ASCC3: variants seen among roughly 807,000 people sequenced by gnomAD.
ASCC3 encodes ASC-1 complex subunit P200.
A neutral mutation model predicts 256.3 loss-of-function variants in ASCC3; 158 were observed. That is an observed-to-expected ratio of 0.62 (90% confidence interval 0.54 to 0.70). The LOEUF (loss-of-function observed/expected upper bound fraction) is 0.70, where lower values mean the gene tolerates loss of function less well. Among genes scored for constraint, ASCC3 ranks in the 30% least tolerant of loss-of-function variants. The pLI is 0.00. For missense variants in ASCC3, 2,259 were observed against 2,626.0 expected (o/e 0.86, Z 3.05); for synonymous variants, 948 against 883.4 (o/e 1.07, Z -1.30).
At chr6:100,759,898 A>G (rs1439150432) in intron 10 of ASCC3, among the ~76,000 whole-genome samples, 2 of 151,748 alleles carry the variant, frequency 1.3e-5, no homozygotes, top group African/African-American at 2.4e-5. Flanking sequence ...ATTCCTAGGT[A>G]TTTTATTTTC....
chr6:100,589,541 C>G, intron 36 of ASCC3, 93 bp downstream of exon 36: 1 of 1,491,100 alleles, frequency 6.7e-7, no homozygotes, highest in African/African-American at 1.4e-5. Flanking sequence ...AAGGGCTTTA[C>G]AAATGGTTTC....
chr6:100,656,235 C>T lies in ASCC3; in HGVS notation c.2704-417G>A, dbSNP rs149454561. Among the ~76,000 whole-genome samples, 159 of 151,608 alleles carry T rather than the reference C, an allele frequency of 1.0e-3. 2 individuals are homozygous for T. In the East Asian group the frequency reaches 0.024, roughly 22 times the overall value. ...TAAAAACAACAAAACATTGTTAATTCTATTCATTTTTATCCTAATTCTGTA... is the reference window on the plus strand; with the variant it reads ...TAAAAACAACAAAACATTGTTAATTTTATTCATTTTTATCCTAATTCTGTA... On this transcript the variant is annotated intron_variant, in intron 16 of 41. Coordinates refer to ENST00000369162, the MANE Select transcript of ASCC3 (RefSeq NM_006828.4).
chr6:100,535,622 C>T (rs2046596534), intron 37 of ASCC3, among the ~76,000 whole-genome samples: 1 of 151,900 alleles, frequency 6.6e-6, no homozygotes, highest in Admixed American at 6.6e-5. Context: ...GCGCCCACTA[C>T]CACCCCCGGC....
At chr6:100,780,855 A>G (rs986188992) in intron 8 of ASCC3, among the ~76,000 whole-genome samples, 4 of 152,234 alleles carry the variant, frequency 2.6e-5, no homozygotes, top group Non-Finnish European at 4.4e-5. Flanking sequence ...ACCACATATT[A>G]CATTAGTGTC....
At chr6:100,583,220 C>T (rs1771415899) in intron 36 of ASCC3, among the ~76,000 whole-genome samples, 1 of 152,280 alleles carries the variant, frequency 6.6e-6, no homozygotes, top group African/African-American at 2.4e-5. Flanking sequence ...TGGTCCTGGA[C>T]TCTTTTTCGT....
chr6:100,597,410 T>C lies in ASCC3; in HGVS notation c.5303+4400A>G, dbSNP rs144289322. On this transcript the variant is annotated intron_variant, in intron 34 of 41. Transcript: ENST00000369162. ...AATTAATTTTTAAATGCTTATACTTTATAATTTTAAGTAAATTTTATGATT... is the reference window on the plus strand; with the variant it reads ...AATTAATTTTTAAATGCTTATACTTCATAATTTTAAGTAAATTTTATGATT... Among the ~76,000 whole-genome samples the C allele has an allele frequency of 1.5e-3, 230 of 152,304 alleles. 7 individuals are homozygous for C. The East Asian group carries it at 0.039, about 26-fold the overall frequency.
intron 37 of ASCC3, chr6:100,530,293 A>T: frequency 7.0e-7 from 1 of 1,425,982 alleles, no homozygotes; most frequent in Non-Finnish European, 9.9e-7. Context: ...AGTTGAAATC[A>T]TCGCAGAAGG....
chr6:100,532,378 G>A (rs868656469), intron 37 of ASCC3, among the ~76,000 whole-genome samples: 66 of 69,070 alleles, frequency 9.6e-4, no homozygotes, highest in African/African-American at 3.0e-3. Flanking sequence ...GTGTATGTGT[G>A]TATATATATA....
Position 100,709,566 on chromosome 6 carries a change from A to G in ASCC3, c.2151+5896T>C, listed in dbSNP as rs368949729. On this transcript the variant is annotated intron_variant, in intron 13 of 41. Transcript: ENST00000369162. ...AGGACTGGGAAGGTTAAAAGTCCAAAGAGACTTATATGGTATCTGAAAATT... is the reference window on the plus strand; with the variant it reads ...AGGACTGGGAAGGTTAAAAGTCCAAGGAGACTTATATGGTATCTGAAAATT... 3.3e-3 allele frequency among the ~76,000 whole-genome samples: 502 copies of G among 152,300 alleles called. 2 individuals carry two copies. The highest frequency in any genetic ancestry group is 0.017 in the Middle Eastern group (5 of 294).
chr6:100,851,330 C>G (rs1371016340), intron 3 of ASCC3, among the ~76,000 whole-genome samples: 3 of 152,060 alleles, frequency 2.0e-5, no homozygotes, highest in Non-Finnish European at 4.4e-5. Flanking sequence ...AGTGGAAGAA[C>G]AGCCTTATTA....
intron 36 of ASCC3, among the ~76,000 whole-genome samples, chr6:100,554,017 T>C (rs1004470964): frequency 6.6e-6 from 1 of 152,154 alleles, no homozygotes; most frequent in Non-Finnish European, 1.5e-5. Flanking sequence ...CAGCTAAATA[T>C]GAGATATGCC....
intron 10 of ASCC3, among the ~76,000 whole-genome samples, chr6:100,751,552 T>A (rs1197412461): frequency 6.6e-6 from 1 of 151,900 alleles, no homozygotes; most frequent in East Asian, 1.9e-4. Flanking sequence ...TCCATAATTG[T>A]ACATCCAATA....
intron 24 of ASCC3, among the ~76,000 whole-genome samples, chr6:100,640,076 C>T (rs1224051107): frequency 6.6e-6 from 1 of 152,054 alleles, no homozygotes; most frequent in African/African-American, 2.4e-5. Flanking sequence ...GATCATCCCA[C>T]TTCACTTCAG....
intron 8 of ASCC3, among the ~76,000 whole-genome samples, chr6:100,770,085 C>T (rs1781848457): frequency 6.6e-6 from 1 of 151,826 alleles, no homozygotes; most frequent in Non-Finnish European, 1.5e-5. Flanking sequence ...GGAATACTCC[C>T]CAAATCATTC....
intron 14 of ASCC3, among the ~76,000 whole-genome samples, chr6:100,673,165 T>C (rs997086987): frequency 6.6e-5 from 10 of 152,074 alleles, no homozygotes; most frequent in Non-Finnish European, 1.3e-4. Flanking sequence ...AGAAATAAGT[T>C]GGCATTCCAG....
intron 34 of ASCC3, among the ~76,000 whole-genome samples, chr6:100,597,809 G>GAAAA (rs369974362): frequency 5.6e-5 from 5 of 88,610 alleles, no homozygotes; most frequent in Admixed American, 2.4e-4. Context: ...CGTCTCTACT[G>GAAAA]AAAAAAAAAA....
intron 36 of ASCC3, among the ~76,000 whole-genome samples, chr6:100,553,144 CGGA>C (rs1769392024): frequency 6.6e-6 from 1 of 151,970 alleles, no homozygotes; most frequent in African/African-American, 2.4e-5. Context: ...AGAATACTTA[CGGA>C]GGAGGTTTTT....
intron 36 of ASCC3, among the ~76,000 whole-genome samples, chr6:100,577,522 T>G (rs1173700867): frequency 6.6e-6 from 1 of 152,072 alleles, no homozygotes; most frequent in Non-Finnish European, 1.5e-5. Context: ...ATATAGCAAG[T>G]CTTCTCCATA....
At chr6:100,699,008 ATT>A (rs1778219149) in intron 13 of ASCC3, among the ~76,000 whole-genome samples, 1 of 152,176 alleles carries the variant, frequency 6.6e-6, no homozygotes. Context: ...ACATAACCAC[ATT>A]TTGATCAACA....
Sources: allele counts gnomAD v4.1 joint callset (sites outside exome capture counted in the v4.1 genomes callset), GRCh38; gene constraint gnomAD v4.1.1; transcripts MANE v1.5; gene names NCBI Gene and HGNC (gene_info 2026-07-23, HGNC 2026-07-21).